Variants in PCNT observed in about 807,000 individuals in gnomAD.
The protein encoded by PCNT is pericentrin.
Under a neutral mutation model 380.4 loss-of-function variants are expected in PCNT, and 319 were observed. That is an observed-to-expected ratio of 0.84 (90% CI 0.77 to 0.92). PCNT has a LOEUF of 0.92. Among genes scored for constraint, PCNT ranks in the 40% least tolerant of loss-of-function variants. The pLI is 0.00. For synonymous variants in PCNT, 1,845 were observed against 1,735.2 expected, an observed-to-expected ratio of 1.06 and a Z score of -1.57; for missense variants, 4,400 against 4,255.3, an observed-to-expected ratio of 1.03 and a Z score of -0.95.
At chr21:46,442,475 G>A (rs773440864) in intron 43 of PCNT, 22 bp from the exon 44 acceptor site, 26 of 1,504,264 alleles carry the variant, frequency 1.7e-5, no homozygotes, top group Middle Eastern at 1.7e-4. Flanking sequence ...TTTTAAGTGT[G>A]TCTTGTCTCT....
At chr21:46,402,310 C>T (rs1399866254) in intron 26 of PCNT, 21 bp from the exon 27 acceptor site, 4 of 1,526,644 alleles carry the variant, frequency 2.6e-6, no homozygotes, top group Non-Finnish European at 3.6e-6. Context: ...TAATACTTTT[C>T]TTCTTTTGTT....
intron 16 of PCNT, among the ~76,000 whole-genome samples, chr21:46,385,095 C>G (rs1187742412): frequency 6.6e-6 from 1 of 152,212 alleles, no homozygotes; most frequent in Non-Finnish European, 1.5e-5. Flanking sequence ...TGGCTCACAC[C>G]TTTAATCCCA....
At chr21:46,366,467 A>G (rs1354723346) in intron 14 of PCNT, 117 bp from the exon 15 acceptor site, 1 of 869,624 alleles carries the variant, frequency 1.1e-6, no homozygotes, top group Non-Finnish European at 2.0e-6. Flanking sequence ...TAAAATCCCG[A>G]AACGATGACC....
chr21:46,349,186 C>A lies in PCNT; in HGVS notation c.1207C>A (p.Arg403=), dbSNP rs538614143. Residue 403 remains arginine, a splice_region_variant and synonymous_variant, in exon 7 of 47, where the codon CGG becomes AGG. Coordinates refer to ENST00000359568, the MANE Select transcript of PCNT (RefSeq NM_006031.6). ...KIFQDKNQAE[R]ALRNLESHHQ... Reference sequence around the variant, plus strand: ...TTTTCAAGACAAAAACCAGGCTGAACGTAAGTAATGAAAATGAGCAAGTTT... The same window carrying A: ...TTTTCAAGACAAAAACCAGGCTGAAAGTAAGTAATGAAAATGAGCAAGTTT... 1.2e-6 allele frequency: 2 copies of A among 1,612,372 alleles called. No individual in the cohort carries two copies. The highest frequency in any genetic ancestry group is 1.7e-6 in the Non-Finnish European group (2 of 1,178,498).
At chr21:46,402,183 T>C in intron 26 of PCNT, 148 bp from the exon 27 acceptor site, 1 of 569,668 alleles carries the variant, frequency 1.8e-6, no homozygotes, top group Non-Finnish European at 3.0e-6. Flanking sequence ...AGTTTTACCA[T>C]TTGTGTGCGG....
At chr21:46,428,645 ACACT>A (rs1373492118) in intron 35 of PCNT, 55 bp downstream of exon 35, 1 of 1,439,066 alleles carries the variant, frequency 6.9e-7, no homozygotes, top group South Asian at 1.2e-5. Flanking sequence ...TGCCCGCCCG[ACACT>A]CACCTGTGTG....
At chr21:46,325,193 C>G in intron 1 of PCNT, 1 of 985,632 alleles carries the variant, frequency 1.0e-6, no homozygotes, top group Non-Finnish European at 1.2e-6. Context: ...ACCGCGGGAG[C>G]AGGCCGGCCT....
At chr21:46,428,182 G>C (rs1271359165) in intron 34 of PCNT, among the ~76,000 whole-genome samples, 1 of 152,240 alleles carries the variant, frequency 6.6e-6, no homozygotes, top group African/African-American at 2.4e-5. Flanking sequence ...ACCTAGTGTT[G>C]AGAGTAACTG....
chr21:46,408,308 A>T (rs1362578023), intron 27 of PCNT, among the ~76,000 whole-genome samples: 1 of 152,230 alleles, frequency 6.6e-6, no homozygotes, highest in East Asian at 1.9e-4. Context: ...CCATCGAGGG[A>T]CATTTGGATA....
rs142096922 is a variant in PCNT, at chr21:46,360,120, G to C, written c.2154+2929G>C. ...GATCCACCCGCCTCGGCCTCCCAAAGTGCTGGGATTACAGATGTGAGCCAC... is the reference window on the plus strand; with the variant it reads ...GATCCACCCGCCTCGGCCTCCCAAACTGCTGGGATTACAGATGTGAGCCAC... On this transcript the variant is annotated intron_variant, in intron 13 of 46. Coordinates refer to ENST00000359568, the MANE Select transcript of PCNT (RefSeq NM_006031.6). 2.4e-4 allele frequency among the ~76,000 whole-genome samples: 36 copies of C among 151,394 alleles called. No individual in the cohort carries two copies. The East Asian group carries it at 6.2e-3, about 26-fold the overall frequency.
Position 46,416,769 on chromosome 21 carries a change from CAGCAGCGCTGGCACTGCAGTGGGCCGAGT to C in PCNT, c.6852_6880del (p.Ala2285SerfsTer4). The C allele has an allele frequency of 6.2e-7, 1 of 1,603,782 alleles. No individual in the cohort carries two copies. The highest frequency in any genetic ancestry group is 8.5e-7 in the Non-Finnish European group (1 of 1,177,960). On this transcript the variant is annotated frameshift_variant, in exon 30 of 47. Coordinates refer to ENST00000359568, the MANE Select transcript of PCNT (RefSeq NM_006031.6). LOFTEE classifies it high-confidence loss of function. ...CTGCTTTGTTCCCCAGGCGTGTCTGCAGCAGCGCTGGCACTGCAGTGGGCCGAGTCTCCGCCGGCTGACGACCACCATGT... is the reference window on the plus strand; with the variant it reads ...CTGCTTTGTTCCCCAGGCGTGTCTGCCTCCGCCGGCTGACGACCACCATGT...
chr21:46,430,363 G>T (rs375970815), intron 36 of PCNT, 131 bp downstream of exon 36: 9 of 1,395,168 alleles, frequency 6.5e-6, no homozygotes, highest in Non-Finnish European at 8.9e-6. Flanking sequence ...GCGCCCTGCT[G>T]TCCCTGGGTT....
chr21:46,356,842 GCA>G (rs1158715928), intron 12 of PCNT, 130 bp from the exon 13 acceptor site: 5 of 754,678 alleles, frequency 6.6e-6, no homozygotes, highest in Admixed American at 6.4e-5. Context: ...CACTGAGTCA[GCA>G]CAGAGCTTGA....
chr21:46,430,350 A>C, intron 36 of PCNT, 118 bp downstream of exon 36: 1 of 1,377,518 alleles, frequency 7.3e-7, no homozygotes. Context: ...CCCCAGGGGC[A>C]CCGCGCCCTG....
Position 46,346,850 on chromosome 21 carries a change from A to T in PCNT, c.828A>T (p.Ala276=), listed in dbSNP as rs754507994. Residue 276 remains alanine (A), a synonymous_variant, in exon 5 of 47, where the codon GCA becomes GCT. Coordinates refer to ENST00000359568, the MANE Select transcript of PCNT (RefSeq NM_006031.6). ...ACCTCCAGAAGGAGAAGGAGACGGCATTGACGGAGCTGCGGGAGATGCTCA... is the reference window on the plus strand; with the variant it reads ...ACCTCCAGAAGGAGAAGGAGACGGCTTTGACGGAGCTGCGGGAGATGCTCA... The part of the protein sequence containing the change: ...QANLQKEKET[A]LTELREMLNS... 2 of 1,608,672 alleles carry T rather than the reference A, an allele frequency of 1.2e-6. No individual in the cohort carries two copies. The highest frequency in any genetic ancestry group is 8.5e-7 in the Non-Finnish European group (1 of 1,178,112).
At chr21:46,383,768 G>C (rs1428678589) in intron 16 of PCNT, among the ~76,000 whole-genome samples, 1 of 137,016 alleles carries the variant, frequency 7.3e-6, no homozygotes, top group Non-Finnish European at 1.7e-5. Context: ...AGCAGCGGAA[G>C]CGCATTCACG....
At chr21:46,390,600 T>C (rs898198060) in intron 19 of PCNT, 70 bp from the exon 20 acceptor site, 9 of 1,549,904 alleles carry the variant, frequency 5.8e-6, no homozygotes, top group African/African-American at 2.7e-5. Context: ...GAAGTGGCGT[T>C]CTCTTGGTCT....
At position 46,383,406 on chromosome 21, in the gene PCNT, C is replaced by T. The variant is rs138988836; in HGVS notation, c.3312+1566C>T. Among the ~76,000 whole-genome samples, 1,065 of 144,652 alleles carry T rather than the reference C, an allele frequency of 7.4e-3. 74 individuals are homozygous for T. The highest frequency in any genetic ancestry group is 0.026 in the African/African-American group (1,009 of 38,948). The allele number at this position is 144,652 out of a possible 152,430, so 94.9% of individuals were successfully genotyped here. A position where few individuals can be genotyped will look rare whatever the true frequency, so the allele number is the denominator to read the frequency against. ...ATATTCAGTGACGGAAGCGCATTCA[C>T]GGTGTTGTGCATTCAGTGGCAGAAG... On this transcript the variant is annotated intron_variant, in intron 16 of 46. Coordinates refer to ENST00000359568, the MANE Select transcript of PCNT (RefSeq NM_006031.6).
chr21:46,329,405 G>A (rs2083485406), intron 2 of PCNT, among the ~76,000 whole-genome samples: 2 of 152,214 alleles, frequency 1.3e-5, no homozygotes, highest in Non-Finnish European at 2.9e-5. Context: ...AAGGAATAGA[G>A]TTGTTGGTTT....
Sources: gnomAD v4.1 joint callset for allele counts (sites outside exome capture counted in the v4.1 genomes callset) on GRCh38, gnomAD v4.1.1 for gene constraint, MANE v1.5 for transcripts, NCBI Gene and HGNC (gene_info 2026-07-23, HGNC 2026-07-21) for gene names.